The following TMEM156 variants were observed in gnomAD, a reference collection of about 807,000 sequenced individuals.
The protein encoded by TMEM156 is transmembrane protein 156.
TMEM156 carries 28 observed loss-of-function variants against 30.5 expected under a neutral mutation model. The observed-to-expected ratio is 0.92, with a 90% CI of 0.68 to 1.26. TMEM156 has a LOEUF of 1.26. TMEM156 is among the 50% of genes most tolerant of loss of function. The probability of loss-of-function intolerance (pLI) is 0.00; values close to 1 mark genes in which losing one functional copy is unlikely to be tolerated. For missense variants in TMEM156, 351 were observed against 340.6 expected, an observed-to-expected ratio of 1.03 and a Z score of -0.24; for synonymous variants, 137 against 119.9, an observed-to-expected ratio of 1.14 and a Z score of -0.93.
chr4:38,981,703 G>C (rs1415828177), intron 5 of TMEM156, among the ~76,000 whole-genome samples: 1 of 152,178 alleles, frequency 6.6e-6, no homozygotes, highest in Non-Finnish European at 1.5e-5. Context: ...AAAAAAAACG[G>C]AGTTTTGAAA....
At chr4:38,991,021 G>C (rs1712415537) in intron 3 of TMEM156, among the ~76,000 whole-genome samples, 1 of 150,848 alleles carries the variant, frequency 6.6e-6, no homozygotes, top group African/African-American at 2.4e-5. Context: ...TTTTAGTAGA[G>C]ACAGGGTTTC....
At chr4:38,993,184 C>T (rs993251822) in intron 3 of TMEM156, among the ~76,000 whole-genome samples, 5 of 152,032 alleles carry the variant, frequency 3.3e-5, no homozygotes, top group Middle Eastern at 3.4e-3. Context: ...AATACCAGCA[C>T]TTTGGGAGGC....
chr4:38,999,562 T>A (rs904811942), intron 1 of TMEM156, among the ~76,000 whole-genome samples: 4 of 152,216 alleles, frequency 2.6e-5, no homozygotes, highest in Non-Finnish European at 4.4e-5. Context: ...ATCAGTTTCC[T>A]AGGGCTGCTG....
chr4:38,989,924 G>T (rs951049792), intron 3 of TMEM156, among the ~76,000 whole-genome samples: 2 of 151,882 alleles, frequency 1.3e-5, no homozygotes, highest in African/African-American at 4.8e-5. Flanking sequence ...CTCAGCCTCC[G>T]AGGGGATTAC....
intron 3 of TMEM156, among the ~76,000 whole-genome samples, chr4:38,992,542 C>T (rs1712538974): frequency 6.6e-6 from 1 of 150,628 alleles, no homozygotes; most frequent in Non-Finnish European, 1.5e-5. Context: ...TAATCTGTAC[C>T]TCACCCTATC....
At chr4:39,028,197 C>T (rs1332402630) in intron 1 of TMEM156, among the ~76,000 whole-genome samples, 1 of 152,178 alleles carries the variant, frequency 6.6e-6, no homozygotes, top group Non-Finnish European at 1.5e-5. Flanking sequence ...CTCATCTGTG[C>T]TATTCTTATC....
At chr4:38,991,819 T>TA (rs1483061097) in intron 3 of TMEM156, among the ~76,000 whole-genome samples, 1 of 152,216 alleles carries the variant, frequency 6.6e-6, no homozygotes, top group Non-Finnish European at 1.5e-5. Flanking sequence ...TAAACTTCTT[T>TA]ACCCTTCAGA....
chr4:39,029,365 T>G (rs1395451663), intron 1 of TMEM156, among the ~76,000 whole-genome samples: 1 of 152,150 alleles, frequency 6.6e-6, no homozygotes, highest in East Asian at 1.9e-4. Context: ...TCTAGAGCAC[T>G]CTTAGCTTAC....
intron 2 of TMEM156, among the ~76,000 whole-genome samples, chr4:38,994,914 G>T (rs1351191807): frequency 6.6e-6 from 1 of 151,984 alleles, no homozygotes; most frequent in Admixed American, 6.6e-5. Flanking sequence ...CTCCAGCCTG[G>T]GTAACAGAAG....
At chr4:39,011,092 T>C (rs1714082798) in intron 1 of TMEM156, among the ~76,000 whole-genome samples, 1 of 151,944 alleles carries the variant, frequency 6.6e-6, no homozygotes, top group South Asian at 2.1e-4. Flanking sequence ...CATTAAAAAG[T>C]GGGCAAAGTA....
At chr4:38,992,734 TAA>T (rs1269318484) in intron 3 of TMEM156, among the ~76,000 whole-genome samples, 12 of 50,306 alleles carry the variant, frequency 2.4e-4, no homozygotes, top group African/African-American at 7.7e-4. Flanking sequence ...AATATATATA[TAA>T]TATATAATAT....
chr4:38,974,519 G>A (rs112918510), intron 5 of TMEM156, among the ~76,000 whole-genome samples: 2,503 of 152,048 alleles, frequency 0.016, 28 homozygotes, highest in East Asian at 0.062. Context: ...ATTCTCCTGC[G>A]AACTGCTCTT....
intron 5 of TMEM156, among the ~76,000 whole-genome samples, chr4:38,971,583 A>G (rs1722597218): frequency 6.6e-6 from 1 of 152,210 alleles, no homozygotes; most frequent in Non-Finnish European, 1.5e-5. Context: ...TCATGACTGT[A>G]TGACTTTTTA....
intron 1 of TMEM156, among the ~76,000 whole-genome samples, chr4:39,023,498 C>T (rs1253768306): frequency 6.6e-6 from 1 of 152,054 alleles, no homozygotes; most frequent in Non-Finnish European, 1.5e-5. Flanking sequence ...AAGATAGGAG[C>T]TACTAAATCA....
At chr4:38,992,718 A>ATATATAATATATATATAATATAT (rs1712593113) in intron 3 of TMEM156, among the ~76,000 whole-genome samples, 1 of 43,416 alleles carries the variant, frequency 2.3e-5, no homozygotes, top group African/African-American at 6.8e-5. Flanking sequence ...TATATTATAT[A>ATATATAATATATATATAATATAT]TATATAATAT....
At chr4:39,026,474 C>A (rs1346064259) in intron 1 of TMEM156, among the ~76,000 whole-genome samples, 1 of 152,000 alleles carries the variant, frequency 6.6e-6, no homozygotes, top group Non-Finnish European at 1.5e-5. Flanking sequence ...GTATTGCAAC[C>A]TAACAGATTA....
intron 1 of TMEM156, among the ~76,000 whole-genome samples, chr4:39,013,373 GTTTA>G (rs71192811): frequency 0.26 from 36,683 of 140,930 alleles, 5,163 homozygotes; most frequent in Middle Eastern, 0.31. Context: ...GACATAATTG[GTTTA>G]TTTATTTATT....
intron 1 of TMEM156, among the ~76,000 whole-genome samples, chr4:39,023,256 G>A (rs1714986252): frequency 1.3e-5 from 2 of 152,174 alleles, no homozygotes; most frequent in African/African-American, 4.8e-5. Context: ...GAAGGCTGTT[G>A]TTTACAAGTT....
intron 3 of TMEM156, among the ~76,000 whole-genome samples, chr4:38,992,718 A>AATATAT (rs1462814161): frequency 4.6e-5 from 2 of 43,416 alleles, no homozygotes; most frequent in African/African-American, 6.8e-5. Flanking sequence ...TATATTATAT[A>AATATAT]TATATAATAT....
Sources: allele counts gnomAD v4.1 joint callset (sites outside exome capture counted in the v4.1 genomes callset), GRCh38; gene constraint gnomAD v4.1.1; transcripts MANE v1.5; gene names NCBI Gene and HGNC (gene_info 2026-07-23, HGNC 2026-07-21).